The following TMEM132C variants were observed in gnomAD, a reference collection of about 807,000 sequenced individuals.
TMEM132C encodes the protein protein phosphatase 1, regulatory subunit 152.
A neutral mutation model predicts 61.4 loss-of-function variants in TMEM132C; 29 were observed. That is an observed-to-expected ratio of 0.47 (90% CI 0.35 to 0.64). The LOEUF (loss-of-function observed/expected upper bound fraction) is 0.64, where lower values mean the gene tolerates loss of function less well. Among genes scored for constraint, TMEM132C ranks in the 30% least tolerant of loss-of-function variants. TMEM132C has a pLI of 0.00. For missense variants in TMEM132C, 1,408 were observed against 1,476.9 expected (o/e 0.95, Z 0.76); for synonymous variants, 656 against 633.1 (o/e 1.04, Z -0.54).
At chr12:128,433,733 G>T (rs1869477750) in intron 2 of TMEM132C, among the ~76,000 whole-genome samples, 1 of 152,018 alleles carries the variant, frequency 6.6e-6, no homozygotes, top group Admixed American at 6.6e-5. Context: ...GAAGGCAATG[G>T]ATTTTATTTT....
intron 1 of TMEM132C, among the ~76,000 whole-genome samples, chr12:128,271,696 C>T (rs968703205): frequency 1.3e-5 from 2 of 152,186 alleles, no homozygotes; most frequent in Admixed American, 6.5e-5. Flanking sequence ...TCGCCTGACC[C>T]TTCCCTTAAG....
At chr12:128,556,054 A>G (rs1355501818) in intron 3 of TMEM132C, among the ~76,000 whole-genome samples, 2 of 152,136 alleles carry the variant, frequency 1.3e-5, no homozygotes, top group Admixed American at 1.3e-4. Context: ...AACTCTTCCA[A>G]GAGAATTTGC....
At chr12:128,377,191 A>T (rs1293240033) in intron 1 of TMEM132C, among the ~76,000 whole-genome samples, 1 of 151,904 alleles carries the variant, frequency 6.6e-6, no homozygotes, top group African/African-American at 2.4e-5. Context: ...AGTAGCTGGG[A>T]TTACAGGCAT....
chr12:128,295,400 C>A (rs1188370308), intron 1 of TMEM132C, among the ~76,000 whole-genome samples: 1 of 152,178 alleles, frequency 6.6e-6, no homozygotes, highest in African/African-American at 2.4e-5. Flanking sequence ...ATCATTCCCT[C>A]TCAGCCTCAG....
chr12:128,382,723 T>TA lies in TMEM132C; in HGVS notation c.86-32008dup, dbSNP rs1874441510. Among the ~76,000 whole-genome samples, 9 of 152,372 alleles carry TA rather than the reference T, an allele frequency of 5.9e-5. No homozygotes were observed. In the South Asian group the frequency reaches 1.9e-3, roughly 32 times the overall value. ...CGTGGTATTCTTTTACATAAATAAA[T>TA]ACATGTTTTAACCTTTCTCCTATTG... On this transcript the variant is annotated intron_variant, in intron 1 of 8. Transcript: ENST00000435159.
In TMEM132C at chr12:128,414,712, CT is replaced by C; in HGVS notation, c.86-17del. On this transcript the variant is annotated intron_variant, in intron 1 of 8. Transcript: ENST00000435159. ...AATCCTGTCTTTGTCTTTTTCTTTT[CT>C]TTCTTTTTCCCTTTTTAGTGATAGA... 1 of 1,491,756 alleles carries C rather than the reference CT, an allele frequency of 6.7e-7. No individual in the cohort carries two copies. Among genetic ancestry groups the C allele is most frequent in the Non-Finnish European group, 8.9e-7 (1 of 1,124,324 alleles). 92.4% of individuals were successfully genotyped at this position (1,491,756 alleles called of 1,614,324 possible).
chr12:128,292,968 A>G (rs1329701291), intron 1 of TMEM132C, among the ~76,000 whole-genome samples: 3 of 149,718 alleles, frequency 2.0e-5, no homozygotes, highest in Admixed American at 6.6e-5. Flanking sequence ...GTGTGTGTGT[A>G]TATGCAAGCA....
chr12:128,455,958 A>G (rs2136062601), intron 2 of TMEM132C, among the ~76,000 whole-genome samples: 1 of 152,310 alleles, frequency 6.6e-6, no homozygotes, highest in South Asian at 2.1e-4. Flanking sequence ...AAGATAAATG[A>G]GATTTCAGTC....
At chr12:128,593,798 A>G (rs1345106006) in intron 3 of TMEM132C, among the ~76,000 whole-genome samples, 1 of 151,958 alleles carries the variant, frequency 6.6e-6, no homozygotes, top group Non-Finnish European at 1.5e-5. Context: ...TACAGGGGCC[A>G]ATGCAGACTC....
At chr12:128,536,177 A>G (rs1370347157) in intron 2 of TMEM132C, among the ~76,000 whole-genome samples, 1 of 152,214 alleles carries the variant, frequency 6.6e-6, no homozygotes, top group African/African-American at 2.4e-5. Context: ...TTAAGACAAT[A>G]TGACACATAT....
At chr12:128,311,228 C>T in intron 1 of TMEM132C, among the ~76,000 whole-genome samples, 1 of 152,232 alleles carries the variant, frequency 6.6e-6, no homozygotes, top group East Asian at 1.9e-4. Context: ...GTCTCCAACA[C>T]TCTGACAAGA....
intron 2 of TMEM132C, among the ~76,000 whole-genome samples, chr12:128,500,901 T>G (rs1812148988): frequency 1.3e-5 from 2 of 152,018 alleles, no homozygotes; most frequent in Admixed American, 1.3e-4. Context: ...CAAGGTAGTG[T>G]TTTTTTATAA....
intron 3 of TMEM132C, among the ~76,000 whole-genome samples, chr12:128,555,246 T>C (rs1340014812): frequency 6.6e-6 from 1 of 152,228 alleles, no homozygotes; most frequent in Non-Finnish European, 1.5e-5. Context: ...CTTATATACA[T>C]AACTGTGCTT....
chr12:128,302,055 G>A (rs1265125341), intron 1 of TMEM132C, among the ~76,000 whole-genome samples: 2 of 152,236 alleles, frequency 1.3e-5, no homozygotes, highest in East Asian at 1.9e-4. Flanking sequence ...CCAGAACATG[G>A]GGGAATTATG....
At chr12:128,410,349 T>C (rs531785268) in intron 1 of TMEM132C, among the ~76,000 whole-genome samples, 1 of 151,268 alleles carries the variant, frequency 6.6e-6, no homozygotes, top group African/African-American at 2.4e-5. Context: ...TAATGCCACT[T>C]TATCACTAGT....
chr12:128,388,623 G>A (rs1195287064), intron 1 of TMEM132C, among the ~76,000 whole-genome samples: 1 of 152,182 alleles, frequency 6.6e-6, no homozygotes, highest in African/African-American at 2.4e-5. Context: ...CACTGGGCTG[G>A]GAGCATGTGT....
chr12:128,392,182 A>G lies in TMEM132C; in HGVS notation c.86-22550A>G, dbSNP rs973941951. The stretch of plus-strand genomic sequence containing the variant: ...TTGAGATACCCTGGTGGGGATTTCA[A>G]TAAGCCTCTGCAGCAGCTCCTGGGG... On this transcript the variant is annotated intron_variant, in intron 1 of 8. Transcript: ENST00000435159. 2.0e-5 allele frequency among the ~76,000 whole-genome samples: 3 copies of G among 152,182 alleles called. 1 individual carries two copies. Among genetic ancestry groups the G allele is most frequent in the Non-Finnish European group, 4.4e-5 (3 of 68,016 alleles).
chr12:128,297,129 G>T (rs948523174), intron 1 of TMEM132C, among the ~76,000 whole-genome samples: 23 of 152,254 alleles, frequency 1.5e-4, no homozygotes, highest in African/African-American at 4.8e-4. Context: ...AAGCAGCAAG[G>T]GTCTGTTTTT....
chr12:128,360,085 C>G (rs1253294207), intron 1 of TMEM132C, among the ~76,000 whole-genome samples: 1 of 152,056 alleles, frequency 6.6e-6, no homozygotes, highest in East Asian at 1.9e-4. Context: ...TGTTTCTGAT[C>G]TATGCTGATG....
Sources: allele counts gnomAD v4.1 joint callset (sites outside exome capture counted in the v4.1 genomes callset), GRCh38; gene constraint gnomAD v4.1.1; transcripts MANE v1.5; gene names NCBI Gene and HGNC (gene_info 2026-07-23, HGNC 2026-07-21).